SLC22A4: variants seen among roughly 807,000 people sequenced by gnomAD.
SLC22A4 encodes the protein ET transporter.
Under a neutral mutation model 56.6 loss-of-function variants are expected in SLC22A4, and 39 were observed. The ratio of observed to expected loss-of-function variants is 0.69; its 90% CI spans 0.53 to 0.90. The LOEUF (loss-of-function observed/expected upper bound fraction) is 0.90. Ranked by LOEUF, SLC22A4 falls within the 40% of genes least tolerant of loss-of-function variation. The pLI is 0.00. For synonymous variants in SLC22A4, 241 were observed against 281.4 expected (o/e 0.86, Z 1.44); for missense variants, 594 against 696.5 (o/e 0.85, Z 1.66).
intron 1 of SLC22A4, among the ~76,000 whole-genome samples, chr5:132,303,747 C>G (rs1247355492): frequency 6.6e-6 from 1 of 152,208 alleles, no homozygotes; most frequent in Non-Finnish European, 1.5e-5. Context: ...CCAGCTCATT[C>G]ATACGGCAGA....
At chr5:132,316,244 A>C (rs1218858786) in intron 3 of SLC22A4, among the ~76,000 whole-genome samples, 1 of 152,190 alleles carries the variant, frequency 6.6e-6, no homozygotes, top group Non-Finnish European at 1.5e-5. Context: ...GCTTTTAAAA[A>C]ATGATCAAGG....
chr5:132,336,052 A>C, intron 8 of SLC22A4, 52 bp downstream of exon 8: 1 of 1,561,010 alleles, frequency 6.4e-7, no homozygotes, highest in Non-Finnish European at 8.8e-7. Context: ...TTTCAATGTA[A>C]AAGTAAGATT....
intron 3 of SLC22A4, among the ~76,000 whole-genome samples, chr5:132,314,549 C>A (rs1334591522): frequency 6.6e-6 from 1 of 152,188 alleles, no homozygotes; most frequent in Non-Finnish European, 1.5e-5. Flanking sequence ...CAGTTCCCAT[C>A]ATCTCTAGGG....
rs756161236 is a variant in SLC22A4, at chr5:132,294,926, G to T, written c.310G>T (p.Asp104Tyr). The T allele has an allele frequency of 6.3e-7, 1 of 1,599,554 alleles. No individual in the cohort carries two copies. The highest frequency in any genetic ancestry group is 2.3e-5 in the East Asian group (1 of 44,206). The part of the protein sequence containing the change: ...ALGLEPGRDV[D>Y]LGQLEQESCL... ...CGGGCTGGAGCCGGGGCGCGACGTG[G>T]ACCTGGGGCAGCTGGAGCAGGAGAG... The change falls in exon 1 of 10, where the codon GAC (aspartate) becomes TAC (tyrosine). Residue 104 changes from aspartate (D) to tyrosine (Y), a missense_variant. Transcript: ENST00000200652. The surrounding 1 kb of genome is among the most constrained non-coding windows in gnomAD (Gnocchi z 5.6).
At chr5:132,316,776 C>G (rs529519076) in intron 3 of SLC22A4, among the ~76,000 whole-genome samples, 6 of 152,290 alleles carry the variant, frequency 3.9e-5, no homozygotes, top group African/African-American at 1.4e-4. Context: ...TTAACTACAT[C>G]AATGATGCAG....
intron 5 of SLC22A4, among the ~76,000 whole-genome samples, chr5:132,328,597 AC>A (rs1750749738): frequency 6.6e-6 from 1 of 151,738 alleles, no homozygotes; most frequent in Non-Finnish European, 1.5e-5. Context: ...AACAACAACA[AC>A]AACAACATTG....
At chr5:132,306,691 C>T (rs2126705437) in intron 1 of SLC22A4, among the ~76,000 whole-genome samples, 1 of 151,784 alleles carries the variant, frequency 6.6e-6, no homozygotes, top group East Asian at 1.9e-4. Context: ...GGTGACCCAC[C>T]CGCCTCGGCC....
At chr5:132,325,685 T>C (rs1750667940) in intron 4 of SLC22A4, among the ~76,000 whole-genome samples, 1 of 152,228 alleles carries the variant, frequency 6.6e-6, no homozygotes, top group African/African-American at 2.4e-5. Context: ...AGATGCTCTT[T>C]GACTTATAAT....
At chr5:132,305,967 T>C (rs1008129362) in intron 1 of SLC22A4, among the ~76,000 whole-genome samples, 6 of 152,136 alleles carry the variant, frequency 3.9e-5, no homozygotes, top group Non-Finnish European at 7.4e-5. Context: ...AATTGATCAA[T>C]AGATTCAATG....
At chr5:132,316,201 A>G (rs182003361) in intron 3 of SLC22A4, among the ~76,000 whole-genome samples, 48 of 152,340 alleles carry the variant, frequency 3.2e-4, no homozygotes, top group African/African-American at 1.1e-3. Context: ...CCCACTGTCA[A>G]AGTAGTGCAG....
In SLC22A4 at chr5:132,340,689, G is replaced by C. The variant is rs146182196; in HGVS notation, c.1569G>C (p.Gln523His). The change falls in exon 9 of 10, where the codon CAG becomes CAC. Residue 523 changes from glutamine to histidine, a missense_variant. Physicochemically the swap from Gln to His is conservative, Grantham distance 24. Transcript: ENST00000200652. ...MTLPETLEQMQKVKWFRSGKK... is the reference protein window; with the variant it reads ...MTLPETLEQMHKVKWFRSGKK... ...TTCCAGAAACCTTAGAGCAGATGCA[G>C]AAAGTGAAATGGTAAGTAGGACTTT... is the stretch of plus-strand genomic sequence containing the variant. The C allele has an allele frequency of 5.6e-6, 9 of 1,614,042 alleles. No individual in the cohort carries two copies. The Admixed American group carries it at 1.5e-4, about 27-fold the overall frequency.
chr5:132,303,590 T>G (rs1749955629), intron 1 of SLC22A4, among the ~76,000 whole-genome samples: 2 of 151,626 alleles, frequency 1.3e-5, no homozygotes, highest in Admixed American at 1.3e-4. Context: ...TGTATTCTCT[T>G]AGCTCCAAAC....
intron 5 of SLC22A4, among the ~76,000 whole-genome samples, chr5:132,330,165 G>A (rs1750814166): frequency 6.6e-6 from 1 of 152,178 alleles, no homozygotes; most frequent in African/African-American, 2.4e-5. Context: ...GTAAGTGTCT[G>A]ATCATTCCTA....
chr5:132,337,542 G>A (rs1751063652), intron 8 of SLC22A4, among the ~76,000 whole-genome samples: 1 of 150,650 alleles, frequency 6.6e-6, no homozygotes, highest in South Asian at 2.1e-4. Flanking sequence ...CTCCCAAAGT[G>A]CTGGGATTAC....
chr5:132,322,242 A>AT lies in SLC22A4; in HGVS notation c.717dup (p.Ala240CysfsTer40). ...TATTCTCTACATTAGGAGTGTGCAC[A>AT]TTTTTTGCAGTTGGCTATATGCTGC... is the stretch of plus-strand genomic sequence containing the variant. On this transcript the variant is annotated frameshift_variant, in exon 4 of 10. Coordinates refer to ENST00000200652, the MANE Select transcript of SLC22A4 (RefSeq NM_003059.3). LOFTEE classifies it high-confidence loss of function. 6.2e-7 allele frequency: 1 copy of AT among 1,613,916 alleles called. No individual in the cohort carries two copies. The highest frequency in any genetic ancestry group is 8.5e-7 in the Non-Finnish European group (1 of 1,179,912).
Position 132,319,207 on chromosome 5 carries a change from C to T in SLC22A4, c.653-2977C>T, listed in dbSNP as rs559339129. Among the ~76,000 whole-genome samples, 16 of 148,642 alleles carry T rather than the reference C, an allele frequency of 1.1e-4. 1 individual carries two copies. In the East Asian group the frequency reaches 2.6e-3, roughly 24 times the overall value. Reference sequence around the variant, plus strand: ...GTCCTAGCTACTTGGGAGGCTGAGGCAGGAAAATCGCTTGAACCCAGGAGG... The same window carrying T: ...GTCCTAGCTACTTGGGAGGCTGAGGTAGGAAAATCGCTTGAACCCAGGAGG... On this transcript the variant is annotated intron_variant, in intron 3 of 9. Transcript: ENST00000200652.
Position 132,294,820 on chromosome 5 carries a change from G to C in SLC22A4, c.204G>C (p.Pro68=), listed in dbSNP as rs1366676435. 7 of 1,611,300 alleles carry C rather than the reference G, an allele frequency of 4.3e-6. No homozygotes were observed. The East Asian group carries it at 1.3e-4, about 31-fold the overall frequency. ...GCGCCTGGCGCAACAACAGTGTCCC[G>C]CTGCGGCTGCGGGACGGCCGCGAGG... The part of the protein sequence containing the change: ...LSSAWRNNSV[P]LRLRDGREVP... The change falls in exon 1 of 10, where the codon CCG becomes CCC. Residue 68 remains proline, a synonymous_variant. Transcript: ENST00000200652. This position sits in a 1 kb window ranked among gnomAD's most constrained non-coding sequence, Gnocchi z 5.6.
chr5:132,308,150 C>G (rs950072721), intron 1 of SLC22A4, among the ~76,000 whole-genome samples: 2 of 152,108 alleles, frequency 1.3e-5, no homozygotes, highest in Non-Finnish European at 2.9e-5. Context: ...GAGGGGGTGC[C>G]TCTTTCCTCT....
In SLC22A4 at chr5:132,335,637, C is replaced by T. The variant is rs112413823; in HGVS notation, c.1262-181C>T. ...GAACAAAGTACAAAGCCACCCCTCA[C>T]ATGAGCTCCATCTTTGTCCATGCCC... is the stretch of plus-strand genomic sequence containing the variant. On this transcript the variant is annotated intron_variant, in intron 7 of 9. Transcript: ENST00000200652. Among the ~76,000 whole-genome samples the T allele has an allele frequency of 8.0e-3, 1,212 of 152,316 alleles. 20 individuals carry two copies. The highest frequency in any genetic ancestry group is 0.028 in the African/African-American group (1,167 of 41,566).
Sources: allele counts gnomAD v4.1 joint callset (sites outside exome capture counted in the v4.1 genomes callset), GRCh38; gene constraint gnomAD v4.1.1; non-coding constraint Gnocchi (gnomAD v3.1); transcripts MANE v1.5; gene names NCBI Gene and HGNC (gene_info 2026-07-23, HGNC 2026-07-21).